DMD: variants seen among roughly 807,000 people sequenced by gnomAD.
DMD encodes the protein mutant dystrophin.
A neutral mutation model predicts 330.1 loss-of-function variants in DMD; 63 were observed. The observed-to-expected ratio is 0.19, with a 90% CI of 0.16 to 0.24. The LOEUF (loss-of-function observed/expected upper bound fraction) is 0.24, where lower values mean the gene tolerates loss of function less well. Ranked by LOEUF, DMD falls within the 10% of genes least tolerant of loss-of-function variation. The pLI is 1.00. For missense variants in DMD, 3,344 were observed against 2,684.1 expected, an observed-to-expected ratio of 1.25 and a Z score of -5.43; for synonymous variants, 1,223 against 959.8, an observed-to-expected ratio of 1.27 and a Z score of -5.07.
At chrX:31,614,929 G>A (rs1472623484) in intron 55 of DMD, among the ~76,000 whole-genome samples, 2 of 111,804 alleles carry the variant, frequency 1.8e-5, no homozygotes, top group Admixed American at 9.5e-5. Context: ...AATTATGAAA[G>A]GCACAAGAGA....
intron 44 of DMD, among the ~76,000 whole-genome samples, chrX:32,165,676 A>G (rs2096865503): frequency 8.9e-6 from 1 of 111,805 alleles, no homozygotes; most frequent in Non-Finnish European, 1.9e-5. Flanking sequence ...TGTGAAAGGG[A>G]CATGAGATTT....
intron 2 of DMD, among the ~76,000 whole-genome samples, chrX:32,934,622 A>C (rs2089850446): frequency 8.9e-6 from 1 of 111,870 alleles, no homozygotes; most frequent in Admixed American, 9.5e-5. Context: ...GTAATGTGAT[A>C]TTTGATGCAT....
intron 4 of DMD, among the ~76,000 whole-genome samples, chrX:32,830,158 C>G (rs1293301844): frequency 9.0e-6 from 1 of 111,253 alleles, no homozygotes; most frequent in Admixed American, 9.6e-5. Flanking sequence ...TCTGTTTTGG[C>G]CATGAATTCT....
At chrX:31,295,503 TC>T (rs1426511360) in intron 62 of DMD, among the ~76,000 whole-genome samples, 7 of 110,075 alleles carry the variant, frequency 6.4e-5, no homozygotes, top group African/African-American at 2.3e-4. Context: ...AACCTCCACC[TC>T]CCAAGTCCAA....
chrX:33,039,021 T>G (rs1256144486), intron 1 of DMD, among the ~76,000 whole-genome samples: 2 of 111,754 alleles, frequency 1.8e-5, no homozygotes, highest in Non-Finnish European at 3.8e-5. Context: ...AAAATGAAAT[T>G]TTTTCTTCAA....
chrX:32,255,397 TCA>T (rs1287616682), intron 43 of DMD, among the ~76,000 whole-genome samples: 8 of 106,095 alleles, frequency 7.5e-5, no homozygotes, highest in African/African-American at 2.8e-4. Flanking sequence ...TGGAATATAA[TCA>T]CACTCATTCA....
intron 2 of DMD, among the ~76,000 whole-genome samples, chrX:32,863,529 T>A (rs1340945705): frequency 3.8e-5 from 2 of 53,054 alleles, no homozygotes; most frequent in Admixed American, 2.4e-4. Context: ...AAAAAAAGAT[T>A]GTGTTTATAC....
At chrX:32,622,060 T>A (rs1309602049) in intron 11 of DMD, among the ~76,000 whole-genome samples, 2 of 111,444 alleles carry the variant, frequency 1.8e-5, no homozygotes, top group Admixed American at 9.5e-5. Context: ...GAGACCAAGA[T>A]ATTAACATTA....
At chrX:31,792,107 T>C in intron 50 of DMD, among the ~76,000 whole-genome samples, 1 of 111,970 alleles carries the variant, frequency 8.9e-6, no homozygotes, top group East Asian at 2.8e-4. Flanking sequence ...AGTTTCCCAG[T>C]ACATGAAATT....
At position 32,856,553 on chromosome X, in the gene DMD, G is replaced by A. The variant is rs777441878; in HGVS notation, c.94-6733C>T. 9.8e-5 allele frequency among the ~76,000 whole-genome samples: 11 copies of A among 111,978 alleles called. No individual in the cohort carries two copies. The South Asian group carries it at 2.2e-3, about 23-fold the overall frequency. On this transcript the variant is annotated intron_variant, in intron 2 of 78. Transcript: ENST00000357033. ...GAATACATTGTATTAAGTGAAATAA[G>A]CCAGGCACAAAAACAAACTTTGCAT...
intron 1 of DMD, among the ~76,000 whole-genome samples, chrX:33,146,222 T>G (rs2048024169): frequency 9.1e-6 from 1 of 110,344 alleles, no homozygotes; most frequent in South Asian, 3.9e-4. Flanking sequence ...ATATAAAACA[T>G]TTTCGTCAGC....
intron 62 of DMD, chrX:31,261,239 T>G: frequency 2.6e-6 from 1 of 389,947 alleles, no homozygotes; most frequent in Non-Finnish European, 4.5e-6. Flanking sequence ...TAAACATTAT[T>G]CGGTTCCAGA....
At chrX:31,622,877 TACACACACACACACACACACAC>T (rs1169355719) in intron 55 of DMD, among the ~76,000 whole-genome samples, 1 of 70,327 alleles carries the variant, frequency 1.4e-5, no homozygotes, top group Middle Eastern at 7.4e-3. Context: ...TATATATATA[TACACACACACACACACACACAC>T]ACACACATAT....
chrX:32,564,697 G>C (rs907914622), intron 16 of DMD, among the ~76,000 whole-genome samples: 7 of 111,767 alleles, frequency 6.3e-5, no homozygotes, highest in African/African-American at 1.9e-4. Flanking sequence ...AACTGTGATT[G>C]AAAATCATAT....
intron 16 of DMD, among the ~76,000 whole-genome samples, chrX:32,559,592 G>A (rs1301752279): frequency 9.0e-6 from 1 of 111,161 alleles, no homozygotes; most frequent in Admixed American, 9.6e-5. Flanking sequence ...CTCTGAGAAT[G>A]GGTACAGCCA....
chrX:31,434,785 G>T (rs972144927), intron 60 of DMD, among the ~76,000 whole-genome samples: 1 of 111,802 alleles, frequency 8.9e-6, no homozygotes, highest in Non-Finnish European at 1.9e-5. Context: ...TTTAGTCTGT[G>T]AATGATTCAG....
chrX:32,014,752 G>A (rs747003358), intron 44 of DMD, among the ~76,000 whole-genome samples: 1 of 112,194 alleles, frequency 8.9e-6, no homozygotes, highest in Non-Finnish European at 1.9e-5. Context: ...AAGACAAGGT[G>A]GAGACTATTA....
At chrX:32,287,317 C>T (rs747076834) in intron 43 of DMD, among the ~76,000 whole-genome samples, 4 of 111,638 alleles carry the variant, frequency 3.6e-5, no homozygotes, top group East Asian at 2.8e-4. Flanking sequence ...TTCAACATAA[C>T]GCTAAATTTA....
At chrX:32,068,196 A>T (rs7882371) in intron 44 of DMD, among the ~76,000 whole-genome samples, 3,205 of 110,599 alleles carry the variant, frequency 0.029, 111 homozygotes, top group African/African-American at 0.097. Context: ...TTTTTAAATG[A>T]TGTTTTATGA....
Sources: gnomAD v4.1 joint callset for allele counts (sites outside exome capture counted in the v4.1 genomes callset) on GRCh38, gnomAD v4.1.1 for gene constraint, MANE v1.5 for transcripts, NCBI Gene and HGNC (gene_info 2026-07-23, HGNC 2026-07-21) for gene names.